DENND1B: variants seen among roughly 807,000 people sequenced by gnomAD.
The protein encoded by DENND1B is DENN domain containing 1B, also known as DENN domain-containing protein 1B.
Under a neutral mutation model 90.1 loss-of-function variants are expected in DENND1B, and 59 were observed. The ratio of observed to expected loss-of-function variants is 0.65; its 90% CI spans 0.53 to 0.81. DENND1B has a LOEUF of 0.81. Ranked by LOEUF, DENND1B falls within the 40% of genes least tolerant of loss-of-function variation. DENND1B has a pLI of 0.00. For synonymous variants in DENND1B, 337 were observed against 324.6 expected (o/e 1.04, Z -0.41); for missense variants, 862 against 912.6 (o/e 0.94, Z 0.71).
intron 3 of DENND1B, chr1:197,690,281 T>C (rs1657724901): frequency 4.3e-6 from 1 of 234,296 alleles, no homozygotes; most frequent in Non-Finnish European, 8.9e-6. Flanking sequence ...CTGACTGCAC[T>C]GCTCACATGA....
rs573739182 is a variant in DENND1B at position 197,617,853 on chromosome 1, G to C, written c.673-94C>G. 33 of 824,544 alleles carry C rather than the reference G, an allele frequency of 4.0e-5. No homozygotes were observed. In the East Asian group the frequency reaches 8.3e-4, roughly 21 times the overall value. 51.1% of individuals were successfully genotyped at this position (824,544 alleles called of 1,614,324 possible). A position where few individuals can be genotyped will look rare whatever the true frequency, so the allele number is the denominator to read the frequency against. On this transcript the variant is annotated intron_variant, in intron 10 of 22. Coordinates refer to ENST00000620048, the MANE Select transcript of DENND1B (RefSeq NM_001195215.2). ...GTATCAACAATGAACAGTAATCACA[G>C]AACAATTTACATAACTACATAAATC...
chr1:197,672,261 T>C (rs1655587358), intron 4 of DENND1B, 105 bp from the exon 5 acceptor site: 2 of 1,329,674 alleles, frequency 1.5e-6, no homozygotes, highest in African/African-American at 3.0e-5. Flanking sequence ...TTCATCTTTC[T>C]AATCAGTTGG....
intron 3 of DENND1B, among the ~76,000 whole-genome samples, chr1:197,707,508 T>C (rs2102194333): frequency 6.6e-6 from 1 of 150,860 alleles, no homozygotes; most frequent in South Asian, 2.1e-4. Flanking sequence ...ATTGTATACA[T>C]GTATCAAAAT....
At chr1:197,734,495 AT>A (rs1343690822) in intron 2 of DENND1B, 5 of 975,908 alleles carry the variant, frequency 5.1e-6, no homozygotes, top group Non-Finnish European at 6.1e-6. Flanking sequence ...ACCACATTTA[AT>A]AAGCTCATAT....
At chr1:197,584,617 A>G (rs879291069) in intron 14 of DENND1B, among the ~76,000 whole-genome samples, 34 of 152,220 alleles carry the variant, frequency 2.2e-4, no homozygotes, top group Admixed American at 8.5e-4. Flanking sequence ...GCTACCAGCC[A>G]ATGATTCATA....
intron 15 of DENND1B, among the ~76,000 whole-genome samples, chr1:197,557,543 CAT>C (rs1365611653): frequency 2.0e-5 from 3 of 151,920 alleles, no homozygotes; most frequent in East Asian, 1.9e-4. Flanking sequence ...AGTAAAATGA[CAT>C]GTGTTATCAC....
In DENND1B at chr1:197,507,678, G is replaced by T. The variant is rs1158986683; in HGVS notation, c.*2782C>A. On this transcript the variant is annotated 3_prime_UTR_variant, in exon 23 of 23. Transcript: ENST00000620048. Reference sequence around the variant, plus strand: ...TGAAAAATAATTTCAAAAAGCAGAGGAACTTACAAATATTTGATTTAGTTA... The same window carrying T: ...TGAAAAATAATTTCAAAAAGCAGAGTAACTTACAAATATTTGATTTAGTTA... The T allele has an allele frequency of 6.6e-6, 1 of 151,502 alleles. No individual in the cohort carries two copies. Among genetic ancestry groups the T allele is most frequent in the Non-Finnish European group, 1.5e-5 (1 of 67,666 alleles). The allele number at this position is 151,502 out of a possible 1,614,324, so 9.4% of individuals were successfully genotyped here.
At chr1:197,764,575 T>C (rs1162934727) in intron 2 of DENND1B, among the ~76,000 whole-genome samples, 1 of 152,134 alleles carries the variant, frequency 6.6e-6, no homozygotes, top group Non-Finnish European at 1.5e-5. Flanking sequence ...TCAACACGTA[T>C]GGTGGAAAAA....
intron 15 of DENND1B, among the ~76,000 whole-genome samples, chr1:197,579,371 G>A (rs1247267475): frequency 6.6e-6 from 1 of 152,052 alleles, no homozygotes; most frequent in African/African-American, 2.4e-5. Flanking sequence ...AGATTCCATT[G>A]TTGCTGCTGT....
At chr1:197,694,489 G>A (rs1377145208) in intron 3 of DENND1B, among the ~76,000 whole-genome samples, 1 of 151,314 alleles carries the variant, frequency 6.6e-6, no homozygotes, top group Non-Finnish European at 1.5e-5. Context: ...TTCATGTCAT[G>A]TTATATTTAT....
At chr1:197,668,834 T>G (rs973939421) in intron 5 of DENND1B, among the ~76,000 whole-genome samples, 4 of 150,864 alleles carry the variant, frequency 2.7e-5, no homozygotes, top group Non-Finnish European at 5.9e-5. Flanking sequence ...TAATAGATAT[T>G]ATTAAATTTT....
intron 14 of DENND1B, among the ~76,000 whole-genome samples, chr1:197,593,340 A>G (rs1381578772): frequency 6.6e-6 from 1 of 151,430 alleles, no homozygotes; most frequent in Admixed American, 6.6e-5. Context: ...GGCATAGAAA[A>G]TGAAAATACT....
Position 197,539,985 on chromosome 1 carries a change from T to C in DENND1B, c.1494A>G (p.Ser498=). The change falls in exon 20 of 23, where the codon TCA becomes TCG. Residue 498 remains serine (S), a synonymous_variant. Transcript: ENST00000620048. ...TTACCTGAGCAAGCTTACGCTTTTC[T>C]GAGTTTCCTCCCTTTTCATTGTGTA... ...YKLHNEKGGN[S]EKRKLAQARL... is the part of the protein sequence containing the mutation. 3 of 1,613,238 alleles carry C rather than the reference T, an allele frequency of 1.9e-6. No individual in the cohort carries two copies. Among genetic ancestry groups the C allele is most frequent in the Non-Finnish European group, 2.5e-6 (3 of 1,179,414 alleles).
chr1:197,691,821 A>T (rs1392107602), intron 3 of DENND1B, among the ~76,000 whole-genome samples: 5 of 151,970 alleles, frequency 3.3e-5, no homozygotes, highest in Non-Finnish European at 5.9e-5. Flanking sequence ...ACATGAATGA[A>T]TCTGGAGAAC....
chr1:197,545,274 G>A (rs1670722637), intron 18 of DENND1B, among the ~76,000 whole-genome samples: 1 of 151,994 alleles, frequency 6.6e-6, no homozygotes, highest in South Asian at 2.1e-4. Flanking sequence ...GCATGGTGGT[G>A]GGTGCCTGTA....
intron 12 of DENND1B, among the ~76,000 whole-genome samples, chr1:197,611,224 G>A (rs1677155770): frequency 6.6e-6 from 1 of 150,774 alleles, no homozygotes; most frequent in Non-Finnish European, 1.5e-5. Flanking sequence ...CCACTCAATT[G>A]ACCCAAGACT....
intron 2 of DENND1B, among the ~76,000 whole-genome samples, chr1:197,741,553 T>C (rs77549863): frequency 0.011 from 1,679 of 152,274 alleles, 34 homozygotes; most frequent in African/African-American, 0.038. Flanking sequence ...AAATTGACAA[T>C]TTAAAGTAAT....
intron 2 of DENND1B, among the ~76,000 whole-genome samples, chr1:197,718,407 G>A (rs1164088758): frequency 8.9e-5 from 11 of 123,788 alleles, no homozygotes; most frequent in Non-Finnish European, 1.6e-4. Flanking sequence ...AAAAAAAAAA[G>A]TTCCTAATGA....
chr1:197,580,411 G>A (rs2125766549), intron 15 of DENND1B, among the ~76,000 whole-genome samples: 1 of 151,746 alleles, frequency 6.6e-6, no homozygotes, highest in Middle Eastern at 3.4e-3. Flanking sequence ...TTTCTCCTGT[G>A]AGTCACTGCG....
Sources: gnomAD v4.1 joint callset for allele counts (sites outside exome capture counted in the v4.1 genomes callset) on GRCh38, gnomAD v4.1.1 for gene constraint, MANE v1.5 for transcripts, NCBI Gene and HGNC (gene_info 2026-07-23, HGNC 2026-07-21) for gene names.